CNTN3: variants seen among roughly 807,000 people sequenced by gnomAD.
The protein encoded by CNTN3 is contactin 3, also known as contactin-3.
A neutral mutation model predicts 119.1 loss-of-function variants in CNTN3; 60 were observed. The observed-to-expected ratio is 0.50, with a 90% confidence interval of 0.41 to 0.62. The LOEUF (loss-of-function observed/expected upper bound fraction) is 0.62, where lower values mean the gene tolerates loss of function less well. Ranked by LOEUF, CNTN3 falls within the 20% of genes least tolerant of loss-of-function variation. The pLI, the probability that CNTN3 is intolerant of heterozygous loss-of-function variation, is 0.00. For synonymous variants in CNTN3, 450 were observed against 438.7 expected, an observed-to-expected ratio of 1.03 and a Z score of -0.32; for missense variants, 1,101 against 1,242.4, an observed-to-expected ratio of 0.89 and a Z score of 1.71.
At chr3:74,606,490 G>A (rs541997763) in intron 1 of CNTN3, among the ~76,000 whole-genome samples, 2 of 152,036 alleles carry the variant, frequency 1.3e-5, no homozygotes, top group Admixed American at 1.3e-4. Flanking sequence ...GTATGTATGT[G>A]TGAATGGGTG....
intron 20 of CNTN3, among the ~76,000 whole-genome samples, chr3:74,273,032 A>G (rs1701812760): frequency 6.6e-6 from 1 of 152,176 alleles, no homozygotes; most frequent in Admixed American, 6.5e-5. Flanking sequence ...AAAAGGTTGG[A>G]AAAAATGGCA....
intron 20 of CNTN3, among the ~76,000 whole-genome samples, chr3:74,284,019 T>G (rs183219471): frequency 2.6e-4 from 40 of 152,224 alleles, no homozygotes; most frequent in African/African-American, 9.1e-4. Context: ...CTCATTGTAC[T>G]AGCCAATTGT....
chr3:74,578,568 G>C (rs2106663441), intron 1 of CNTN3, among the ~76,000 whole-genome samples: 1 of 152,056 alleles, frequency 6.6e-6, no homozygotes, highest in Non-Finnish European at 1.5e-5. Flanking sequence ...CATAAAGTTA[G>C]GTATCATTCA....
intron 16 of CNTN3, among the ~76,000 whole-genome samples, chr3:74,300,717 C>T (rs1575707988): frequency 6.6e-6 from 1 of 152,146 alleles, no homozygotes; most frequent in South Asian, 2.1e-4. Flanking sequence ...TAAAGTGATA[C>T]ACCAGCTCTA....
intron 5 of CNTN3, among the ~76,000 whole-genome samples, chr3:74,400,567 T>C (rs560441057): frequency 6.2e-4 from 95 of 152,334 alleles, no homozygotes; most frequent in South Asian, 2.5e-3. Context: ...ATGAAAATCA[T>C]TGGGCCATCT....
intron 4 of CNTN3, among the ~76,000 whole-genome samples, chr3:74,432,749 T>A (rs2106912658): frequency 6.6e-6 from 1 of 152,284 alleles, no homozygotes; most frequent in South Asian, 2.1e-4. Flanking sequence ...CAATCATTAT[T>A]TTCGTTATTT....
intron 11 of CNTN3, 85 bp downstream of exon 11, chr3:74,361,805 T>C: frequency 7.3e-7 from 1 of 1,367,058 alleles, no homozygotes; most frequent in Non-Finnish European, 9.9e-7. Flanking sequence ...GCTATTTTGT[T>C]TCATTTCATA....
Position 74,301,729 on chromosome 3 carries a change from A to G in CNTN3, c.1863T>C (p.Gly621=), listed in dbSNP as rs1345048185. Residue 621 remains glycine, a synonymous_variant, in exon 15 of 23, where the codon GGT becomes GGC. Coordinates refer to ENST00000263665, the MANE Select transcript of CNTN3 (RefSeq NM_020872.3). ...DTTAQLSWKE[G]KDNHSPVISY... ...ATATAACTGGGCTATGGTTGTCTTT[A>G]CCTTCTTTCCAAGAGAGTTGGGCTG... 2 of 1,613,902 alleles carry G rather than the reference A, an allele frequency of 1.2e-6. No individual in the cohort carries two copies. The highest frequency in any genetic ancestry group is 2.7e-5 in the African/African-American group (2 of 74,898).
At chr3:74,376,921 A>G (rs1704488812) in intron 5 of CNTN3, among the ~76,000 whole-genome samples, 1 of 142,278 alleles carries the variant, frequency 7.0e-6, no homozygotes, top group Non-Finnish European at 1.5e-5. Context: ...AAACAAACAA[A>G]AAAAACAGAT....
intron 5 of CNTN3, among the ~76,000 whole-genome samples, chr3:74,406,962 T>A (rs1373539785): frequency 6.6e-6 from 1 of 152,132 alleles, no homozygotes; most frequent in African/African-American, 2.4e-5. Context: ...TTATGCTGAA[T>A]CTTGAAAAGT....
At chr3:74,549,152 A>G (rs1167605643) in intron 1 of CNTN3, among the ~76,000 whole-genome samples, 2 of 152,098 alleles carry the variant, frequency 1.3e-5, no homozygotes, top group South Asian at 2.1e-4. Flanking sequence ...GTGGTTTCCA[A>G]TGGTTTAGCC....
chr3:74,593,485 G>A (rs577339698), intron 1 of CNTN3, among the ~76,000 whole-genome samples: 1 of 152,064 alleles, frequency 6.6e-6, no homozygotes, highest in East Asian at 1.9e-4. Flanking sequence ...ATTCCTAATG[G>A]TGCTATAATG....
At chr3:74,516,834 G>T (rs1287634611) in intron 2 of CNTN3, among the ~76,000 whole-genome samples, 1 of 143,872 alleles carries the variant, frequency 7.0e-6, no homozygotes, top group African/African-American at 2.9e-5. Context: ...ATCCAAGGAA[G>T]TTGGAGTCAC....
rs1288252648 is a variant in CNTN3 at position 74,263,419 on chromosome 3, T to C, written c.*982A>G. On this transcript the variant is annotated 3_prime_UTR_variant, in exon 23 of 23. Transcript: ENST00000263665. ...GGGATTATGTGGATTTTGTTTAATA[T>C]TTGGGTTGAGATTCAGGTCATTCCT... is the stretch of plus-strand genomic sequence containing the variant. The C allele has an allele frequency of 2.0e-5, 3 of 152,124 alleles. No individual in the cohort carries two copies. The highest frequency in any genetic ancestry group is 7.2e-5 in the African/African-American group (3 of 41,448). 9.4% of individuals were successfully genotyped at this position (152,124 alleles called of 1,614,324 possible).
Position 74,301,746 on chromosome 3 carries a change from G to C in CNTN3, c.1846C>G (p.Leu616Val), listed in dbSNP as rs770572162. The stretch of plus-strand genomic sequence containing the variant: ...TTGTCTTTACCTTCTTTCCAAGAGA[G>C]TTGGGCTGTTGTGTCTGTAATTTCA... Reference protein sequence around the residue: ...VDEITDTTAQLSWKEGKDNHS... With the variant: ...VDEITDTTAQVSWKEGKDNHS... The change falls in exon 15 of 23, where the codon CTC becomes GTC. Residue 616 changes from leucine to valine, a missense_variant. Physicochemically the swap from Leu to Val is conservative, Grantham distance 32. Coordinates refer to ENST00000263665, the MANE Select transcript of CNTN3 (RefSeq NM_020872.3). 1 of 1,614,092 alleles carries C rather than the reference G, an allele frequency of 6.2e-7. No individual in the cohort carries two copies. Among genetic ancestry groups the C allele is most frequent in the South Asian group, 1.1e-5 (1 of 91,084 alleles).
chr3:74,424,791 G>C, intron 5 of CNTN3, 54 bp downstream of exon 5: 1 of 1,418,946 alleles, frequency 7.0e-7, no homozygotes, highest in East Asian at 2.3e-5. Context: ...ATGCGCTGCA[G>C]GCCTTGCCCT....
chr3:74,450,565 G>A (rs1358592776), intron 4 of CNTN3, among the ~76,000 whole-genome samples: 2 of 150,660 alleles, frequency 1.3e-5, no homozygotes, highest in African/African-American at 4.9e-5. Flanking sequence ...ACAATGTGCA[G>A]GTTAGTTACA....
chr3:74,405,337 A>G (rs926336773), intron 5 of CNTN3, among the ~76,000 whole-genome samples: 1 of 150,494 alleles, frequency 6.6e-6, no homozygotes, highest in African/African-American at 2.5e-5. Context: ...AGATACGTAT[A>G]TACATACACA....
At chr3:74,311,440 T>C (rs1702683806) in intron 13 of CNTN3, among the ~76,000 whole-genome samples, 1 of 152,202 alleles carries the variant, frequency 6.6e-6, no homozygotes, top group Admixed American at 6.5e-5. Flanking sequence ...ATGTTTTACA[T>C]AAAAATAATT....
Sources: gnomAD v4.1 joint callset for allele counts (sites outside exome capture counted in the v4.1 genomes callset) on GRCh38, gnomAD v4.1.1 for gene constraint, MANE v1.5 for transcripts, NCBI Gene and HGNC (gene_info 2026-07-23, HGNC 2026-07-21) for gene names.